POU3F3: variants seen among roughly 807,000 people sequenced by gnomAD.
The protein encoded by POU3F3 is POU class 3 homeobox 3, also known as POU domain, class 3, transcription factor 3.
In POU3F3, 1 loss-of-function variant was observed where a neutral mutation model predicts 8.6. That is an observed-to-expected ratio of 0.12 (90% confidence interval 0.04 to 0.55). POU3F3 has a LOEUF of 0.55. Among genes scored for constraint, POU3F3 ranks in the 20% least tolerant of loss-of-function variants. The pLI is 0.91. For missense variants in POU3F3, 577 were observed against 690.7 expected, an observed-to-expected ratio of 0.84 and a Z score of 1.84; for synonymous variants, 418 against 327.4, an observed-to-expected ratio of 1.28 and a Z score of -2.99.
the POU3F3 span, among the ~76,000 whole-genome samples, chr2:104,868,547 A>C: frequency 1.3e-5 from 2 of 152,200 alleles, no homozygotes; most frequent in Non-Finnish European, 2.9e-5. Context: ...CAAGCCTCCC[A>C]GAGCCCAGGT....
chr2:104,867,091 T>C, the POU3F3 span: 1 of 152,200 alleles, frequency 6.6e-6, no homozygotes. The surrounding 1 kb of genome is among the most constrained non-coding windows in gnomAD (Gnocchi z 5.0). Context: ...AGCTACTCAT[T>C]CAGCAGTAGC....
chr2:104,908,842 T>A, the POU3F3 span, among the ~76,000 whole-genome samples: 2 of 152,216 alleles, frequency 1.3e-5, no homozygotes, highest in South Asian at 2.1e-4. Flanking sequence ...GAGTAGATAA[T>A]GATGCATAGT....
chr2:104,896,917 G>T, the POU3F3 span, among the ~76,000 whole-genome samples: 69 of 152,226 alleles, frequency 4.5e-4, no homozygotes, highest in Non-Finnish European at 7.3e-4. Flanking sequence ...AACACAGATT[G>T]GTCCTCGGAG....
upstream of POU3F3, chr2:104,853,545 C>T (rs1263617448): frequency 1.3e-5 from 2 of 152,634 alleles, no homozygotes; most frequent in East Asian, 3.8e-4. Flanking sequence ...AACTTTGAAA[C>T]CACTGGGGAC....
chr2:104,881,088 C>G, the POU3F3 span, among the ~76,000 whole-genome samples: 1 of 134,608 alleles, frequency 7.4e-6, no homozygotes, highest in South Asian at 2.3e-4. Context: ...TACTTTTATT[C>G]ATATATATTT....
chr2:104,891,806 C>T, the POU3F3 span, among the ~76,000 whole-genome samples: 1 of 152,202 alleles, frequency 6.6e-6, no homozygotes, highest in Non-Finnish European at 1.5e-5. Context: ...GTCTCCCCGA[C>T]ATCAAACATT....
At chr2:104,920,286 A>T in the POU3F3 span, among the ~76,000 whole-genome samples, 3 of 152,330 alleles carry the variant, frequency 2.0e-5, no homozygotes, top group East Asian at 5.8e-4. Flanking sequence ...AAGTACTGGG[A>T]TTACAGGCGT....
the POU3F3 span, among the ~76,000 whole-genome samples, chr2:104,905,153 C>T: frequency 3.3e-4 from 51 of 152,300 alleles, no homozygotes; most frequent in South Asian, 0.01. Flanking sequence ...GGTCTGTTAG[C>T]TCAATAACAC....
chr2:104,894,415 G>A, the POU3F3 span, among the ~76,000 whole-genome samples: 1 of 152,108 alleles, frequency 6.6e-6, no homozygotes, highest in African/African-American at 2.4e-5. Flanking sequence ...ATTTATAGGT[G>A]AAAAAAACAA....
At chr2:104,875,566 G>A in the POU3F3 span, among the ~76,000 whole-genome samples, 1 of 152,080 alleles carries the variant, frequency 6.6e-6, no homozygotes, top group Non-Finnish European at 1.5e-5. Flanking sequence ...TCTCATTGTG[G>A]TTTTGAAACA....
the POU3F3 span, among the ~76,000 whole-genome samples, chr2:104,869,424 T>C: frequency 1.3e-5 from 2 of 152,246 alleles, no homozygotes; most frequent in South Asian, 4.1e-4. Flanking sequence ...AGAGGAAGTC[T>C]GCCTCCAAAT....
chr2:104,877,393 C>T, the POU3F3 span, among the ~76,000 whole-genome samples: 5 of 152,202 alleles, frequency 3.3e-5, no homozygotes, highest in Non-Finnish European at 5.9e-5. Context: ...GCAAAATGCC[C>T]TTTCCATCAA....
chr2:104,899,712 G>A, the POU3F3 span, among the ~76,000 whole-genome samples: 4 of 152,214 alleles, frequency 2.6e-5, no homozygotes, highest in African/African-American at 7.2e-5. Context: ...AGCCAACAAA[G>A]GTAATTATGT....
At chr2:104,895,430 C>T in the POU3F3 span, among the ~76,000 whole-genome samples, 1 of 152,132 alleles carries the variant, frequency 6.6e-6, no homozygotes, top group Admixed American at 6.5e-5. Context: ...TTAGGAGGGG[C>T]CTTATCAGAA....
chr2:104,910,926 A>C, the POU3F3 span, among the ~76,000 whole-genome samples: 1 of 152,218 alleles, frequency 6.6e-6, no homozygotes, highest in African/African-American at 2.4e-5. Flanking sequence ...TATAACAACA[A>C]CTTACATAGT....
At chr2:104,888,919 C>T in the POU3F3 span, among the ~76,000 whole-genome samples, 4 of 152,192 alleles carry the variant, frequency 2.6e-5, no homozygotes, top group Non-Finnish European at 5.9e-5. Flanking sequence ...ACTGCAAAGA[C>T]CTAAAATGTT....
At chr2:104,870,620 T>A in the POU3F3 span, among the ~76,000 whole-genome samples, 1 of 152,212 alleles carries the variant, frequency 6.6e-6, no homozygotes, top group Non-Finnish European at 1.5e-5. Flanking sequence ...ATGACCTACA[T>A]CAAGATGAAC....
At chr2:104,917,359 T>C in the POU3F3 span, among the ~76,000 whole-genome samples, 1 of 152,226 alleles carries the variant, frequency 6.6e-6, no homozygotes, top group Admixed American at 6.5e-5. Context: ...ACTATTGTCA[T>C]AGAGACAACA....
chr2:104,864,651 T>C, the POU3F3 span, among the ~76,000 whole-genome samples: 4 of 152,220 alleles, frequency 2.6e-5, no homozygotes, highest in South Asian at 4.1e-4. Context: ...ATTTGTTCAT[T>C]TTTCTTCCTT....
Sources: gnomAD v4.1 joint callset for allele counts (sites outside exome capture counted in the v4.1 genomes callset) on GRCh38, gnomAD v4.1.1 for gene constraint, Gnocchi (gnomAD v3.1) non-coding constraint, MANE v1.5 for transcripts, NCBI Gene and HGNC (gene_info 2026-07-23, HGNC 2026-07-21) for gene names.